The following FHIT variants were observed in gnomAD, a reference collection of about 807,000 sequenced individuals.
FHIT encodes the protein fragile histidine triad diadenosine triphosphatase.
Under a neutral mutation model 17.9 loss-of-function variants are expected in FHIT, and 19 were observed. That is an observed-to-expected ratio of 1.06 (90% CI 0.74 to 1.56). The LOEUF (loss-of-function observed/expected upper bound fraction) is 1.56. Among genes scored for constraint, FHIT ranks in the 40% most tolerant of loss-of-function variants. FHIT has a pLI of 0.00. For missense variants in FHIT, 248 were observed against 189.2 expected (o/e 1.31, Z -1.82); for synonymous variants, 81 against 69.7 (o/e 1.16, Z -0.81).
intron 4 of FHIT, among the ~76,000 whole-genome samples, chr3:60,572,521 C>G (rs1198724353): frequency 6.6e-6 from 1 of 151,952 alleles, no homozygotes; most frequent in Non-Finnish European, 1.5e-5. Context: ...AAAGATCACA[C>G]AAATGCACAT....
chr3:59,844,197 G>C (rs1348325984), intron 8 of FHIT, among the ~76,000 whole-genome samples: 2 of 152,012 alleles, frequency 1.3e-5, no homozygotes, highest in African/African-American at 4.8e-5. Flanking sequence ...CTCTGTCTCA[G>C]GTATTCTTTT....
intron 5 of FHIT, among the ~76,000 whole-genome samples, chr3:60,127,892 A>G (rs1257514816): frequency 6.6e-6 from 1 of 152,146 alleles, no homozygotes; most frequent in Non-Finnish European, 1.5e-5. Context: ...TGGCCTCTCC[A>G]AGTGCTGGGA....
At chr3:60,419,559 C>A (rs765223245) in intron 5 of FHIT, among the ~76,000 whole-genome samples, 2 of 152,182 alleles carry the variant, frequency 1.3e-5, no homozygotes, top group Non-Finnish European at 2.9e-5. Context: ...ATTCTCAATG[C>A]AGTTTAATGC....
chr3:59,894,251 C>A (rs113909873), intron 8 of FHIT, among the ~76,000 whole-genome samples: 2 of 152,116 alleles, frequency 1.3e-5, no homozygotes, highest in African/African-American at 4.8e-5. Context: ...TCTCAAAAAA[C>A]AAACAAACAA....
At position 60,689,835 on chromosome 3, in the gene FHIT, TA is replaced by T. The variant is rs200900611; in HGVS notation, c.-18+132083del. Among the ~76,000 whole-genome samples the T allele has an allele frequency of 5.8e-3, 884 of 152,306 alleles. 3 individuals carry two copies. Among genetic ancestry groups the T allele is most frequent in the Non-Finnish European group, 0.01 (696 of 68,028 alleles). On this transcript the variant is annotated intron_variant, in intron 4 of 9. Coordinates refer to ENST00000492590, the MANE Select transcript of FHIT (RefSeq NM_002012.4). ...GTTAAATATTAAGGTATTAAATATT[TA>T]ATGCTTATTAAAGCATTATTTTGTG... is the stretch of plus-strand genomic sequence containing the variant.
At chr3:61,224,795 A>G (rs1289797612) in intron 1 of FHIT, among the ~76,000 whole-genome samples, 1 of 152,188 alleles carries the variant, frequency 6.6e-6, no homozygotes, top group Non-Finnish European at 1.5e-5. Context: ...CCTAATTTAG[A>G]ATCAATAATG....
chr3:60,659,158 C>G (rs1317472493), intron 4 of FHIT, among the ~76,000 whole-genome samples: 1 of 151,874 alleles, frequency 6.6e-6, no homozygotes, highest in African/African-American at 2.4e-5. Context: ...ATTGATGATT[C>G]CTTCTACATA....
intron 3 of FHIT, among the ~76,000 whole-genome samples, chr3:60,886,210 G>T (rs9849318): frequency 0.25 from 37,986 of 152,100 alleles, 5,388 homozygotes; most frequent in African/African-American, 0.37. Flanking sequence ...TACCATGAAT[G>T]GCTAAAAATA....
At chr3:60,627,606 C>A (rs562918225) in intron 4 of FHIT, among the ~76,000 whole-genome samples, 9 of 152,258 alleles carry the variant, frequency 5.9e-5, no homozygotes, top group Non-Finnish European at 4.4e-5. Context: ...TCACTGAAAC[C>A]TCTGCCTCCC....
chr3:61,015,465 G>C (rs573309878), intron 3 of FHIT, among the ~76,000 whole-genome samples: 1 of 152,082 alleles, frequency 6.6e-6, no homozygotes, highest in African/African-American at 2.4e-5. Flanking sequence ...TTTGGATTAC[G>C]CTTGATCTCT....
chr3:60,634,210 A>G (rs1429578142), intron 4 of FHIT, among the ~76,000 whole-genome samples: 1 of 152,160 alleles, frequency 6.6e-6, no homozygotes, highest in African/African-American at 2.4e-5. Flanking sequence ...ATGTGCCTAG[A>G]TAGATGCTGT....
chr3:59,991,781 T>C (rs1316212665), intron 7 of FHIT, among the ~76,000 whole-genome samples: 1 of 152,034 alleles, frequency 6.6e-6, no homozygotes, highest in Admixed American at 6.6e-5. Context: ...TCGGCCAAGA[T>C]GCTCAACTCA....
In FHIT at chr3:60,338,111, G is replaced by A. The variant is rs189999793; in HGVS notation, c.103+198749C>T. On this transcript the variant is annotated intron_variant, in intron 5 of 9. Transcript: ENST00000492590. The stretch of plus-strand genomic sequence containing the variant: ...TGCAGCAGGGGACAGGATGGAATGC[G>A]TTTTCTAGAGAATCTTCCATAAAGG... Among the ~76,000 whole-genome samples the A allele has an allele frequency of 2.5e-4, 38 of 152,214 alleles. 1 individual carries two copies. Among genetic ancestry groups the A allele is most frequent in the Admixed American group, 2.5e-3 (38 of 15,300 alleles).
At chr3:60,613,333 G>T (rs1299558771) in intron 4 of FHIT, among the ~76,000 whole-genome samples, 1 of 152,184 alleles carries the variant, frequency 6.6e-6, no homozygotes, top group Non-Finnish European at 1.5e-5. Context: ...CTGAGGCAGG[G>T]AGGGATGGCC....
intron 3 of FHIT, among the ~76,000 whole-genome samples, chr3:60,876,300 C>A (rs1704650607): frequency 6.6e-6 from 1 of 152,124 alleles, no homozygotes; most frequent in Admixed American, 6.6e-5. Context: ...GAGGATTTAT[C>A]ATATTTAAGA....
At chr3:60,714,821 A>G (rs1424054304) in intron 4 of FHIT, among the ~76,000 whole-genome samples, 5 of 152,192 alleles carry the variant, frequency 3.3e-5, no homozygotes, top group African/African-American at 7.2e-5. Context: ...CATGCTCATG[A>G]GTAGGAAGAA....
intron 4 of FHIT, among the ~76,000 whole-genome samples, chr3:60,790,677 G>A (rs545803778): frequency 6.6e-6 from 1 of 152,250 alleles, no homozygotes; most frequent in African/African-American, 2.4e-5. Context: ...AATATATGGA[G>A]CAGGGGCATT....
chr3:61,036,889 T>A (rs1033074099), intron 3 of FHIT, among the ~76,000 whole-genome samples: 11 of 146,716 alleles, frequency 7.5e-5, no homozygotes, highest in East Asian at 2.1e-4. Flanking sequence ...ACCTCAAAGA[T>A]CAGTCTGCTT....
At chr3:60,631,052 A>G (rs545595606) in intron 4 of FHIT, among the ~76,000 whole-genome samples, 1 of 152,138 alleles carries the variant, frequency 6.6e-6, no homozygotes, top group African/African-American at 2.4e-5. Flanking sequence ...GCTAAGTTTC[A>G]AAGAGGAGGC....
Sources: gnomAD v4.1 joint callset for allele counts (sites outside exome capture counted in the v4.1 genomes callset) on GRCh38, gnomAD v4.1.1 for gene constraint, MANE v1.5 for transcripts, NCBI Gene and HGNC (gene_info 2026-07-23, HGNC 2026-07-21) for gene names.